Variants in ADGRE3 observed in about 807,000 individuals in gnomAD.
The protein encoded by ADGRE3 is adhesion G protein-coupled receptor E3, also known as EGF-like module receptor 3.
ADGRE3 carries 88 observed loss-of-function variants against 80.1 expected under a neutral mutation model. That is an observed-to-expected ratio of 1.10 (90% confidence interval 0.93 to 1.31). The LOEUF (loss-of-function observed/expected upper bound fraction) is 1.31. ADGRE3 is among the 40% of genes most tolerant of loss of function. The pLI is 0.00. For missense variants in ADGRE3, 715 were observed against 776.5 expected, an observed-to-expected ratio of 0.92 and a Z score of 0.94; for synonymous variants, 281 against 294.8, an observed-to-expected ratio of 0.95 and a Z score of 0.48.
downstream of ADGRE3, among the ~76,000 whole-genome samples, chr19:14,617,366 CT>C (rs1240426476): frequency 2.2e-5 from 2 of 89,458 alleles, no homozygotes; most frequent in African/African-American, 4.5e-5. Context: ...TTCTTTCTTT[CT>C]TTCTTTCTTC....
At chr19:14,601,983 G>A in the ADGRE3 span, among the ~76,000 whole-genome samples, 5 of 148,240 alleles carry the variant, frequency 3.4e-5, no homozygotes, top group African/African-American at 1.3e-4. Context: ...TAGTAGAGAC[G>A]GGGTTTCACT....
chr19:14,616,726 G>A (rs1328760730), downstream of ADGRE3, among the ~76,000 whole-genome samples: 1 of 151,744 alleles, frequency 6.6e-6, no homozygotes, highest in African/African-American at 2.4e-5. Flanking sequence ...TTAGATTGCA[G>A]TGGTTGAACA....
At chr19:14,615,202 CTTTTTTTTTT>C (rs34167082), downstream of ADGRE3, among the ~76,000 whole-genome samples, 3 of 65,634 alleles carry the variant, frequency 4.6e-5, no homozygotes, top group South Asian at 5.8e-4. Context: ...CAGCTGCCTT[CTTTTTTTTTT>C]TTTTTTTTTT....
chr19:14,607,160 G>A, the ADGRE3 span: 10 of 766,454 alleles, frequency 1.3e-5, no homozygotes, highest in Non-Finnish European at 1.4e-5. Context: ...TGACCATGGG[G>A]AGGGGAGAAG....
chr19:14,654,144 A>C (rs543719285), intron 6 of ADGRE3, among the ~76,000 whole-genome samples: 1 of 151,780 alleles, frequency 6.6e-6, no homozygotes, highest in Admixed American at 6.6e-5. Context: ...GTAAAGATTA[A>C]GTTTCACCAT....
At chr19:14,625,439 G>A (rs1228916123) in intron 15 of ADGRE3, 53 bp downstream of exon 15, 1 of 1,147,850 alleles carries the variant, frequency 8.7e-7, no homozygotes, top group East Asian at 2.4e-5. Flanking sequence ...GAAGTTTGCA[G>A]TGTCAAGAGA....
intron 14 of ADGRE3, among the ~76,000 whole-genome samples, chr19:14,625,802 G>A (rs1366143499): frequency 6.6e-6 from 1 of 152,114 alleles, no homozygotes; most frequent in Non-Finnish European, 1.5e-5. Flanking sequence ...TGAACCTTGA[G>A]GACATCAGGC....
intron 11 of ADGRE3, among the ~76,000 whole-genome samples, chr19:14,637,359 A>G (rs1459058219): frequency 6.7e-6 from 1 of 149,458 alleles, no homozygotes; most frequent in Admixed American, 6.7e-5. Flanking sequence ...GTCTTCTCTC[A>G]TCTTCTCGCT....
chr19:14,615,183 C>G (rs530075290), downstream of ADGRE3, among the ~76,000 whole-genome samples: 4 of 143,804 alleles, frequency 2.8e-5, no homozygotes, highest in Non-Finnish European at 6.1e-5. Context: ...GTTTGTTGAT[C>G]TCTTTCTACA....
At chr19:14,649,596 C>T (rs1446375789) in intron 7 of ADGRE3, among the ~76,000 whole-genome samples, 5 of 147,628 alleles carry the variant, frequency 3.4e-5, no homozygotes, top group Non-Finnish European at 7.5e-5. Context: ...TCATCTCTCT[C>T]TTTCGATCTC....
intron 6 of ADGRE3, 93 bp downstream of exon 6, chr19:14,654,889 G>T: frequency 1.1e-6 from 1 of 915,594 alleles, no homozygotes; most frequent in Non-Finnish European, 1.7e-6. Context: ...AGGGACTCAT[G>T]TGGTGTATTC....
At chr19:14,626,342 T>C (rs10413054) in intron 14 of ADGRE3, among the ~76,000 whole-genome samples, 75,559 of 151,654 alleles carry the variant, frequency 0.5, 19,161 homozygotes, top group Non-Finnish European at 0.53. Flanking sequence ...GAGGCTGAGG[T>C]AGGAGAATTG....
Position 14,659,889 on chromosome 19 carries a change from T to C in ADGRE3, c.356-1339A>G, listed in dbSNP as rs139459761. 8.5e-3 allele frequency among the ~76,000 whole-genome samples: 1,251 copies of C among 146,640 alleles called. 12 individuals carry two copies. Among genetic ancestry groups the C allele is most frequent in the Middle Eastern group, 0.021 (6 of 290 alleles). ...GCAAATGTTTACATATCTTTTATCA[T>C]CATGCTGAGGTTAAATCTGTACTTA... On this transcript the variant is annotated intron_variant, in intron 4 of 15. Transcript: ENST00000253673.
chr19:14,666,979 G>A lies in ADGRE3; in HGVS notation c.76+1823C>T, dbSNP rs1972122738. On this transcript the variant is annotated intron_variant, in intron 2 of 15. Transcript: ENST00000253673. Reference sequence around the variant, plus strand: ...GGATATGACTTCATTTGGAAACAGGGTCTGTACAGATGTAATCAAGTTAAG... The same window carrying A: ...GGATATGACTTCATTTGGAAACAGGATCTGTACAGATGTAATCAAGTTAAG... Among the ~76,000 whole-genome samples the A allele has an allele frequency of 2.0e-5, 3 of 152,282 alleles. No individual in the cohort carries two copies. In the South Asian group the frequency reaches 6.2e-4, roughly 32 times the overall value.
At chr19:14,669,545 G>A (rs1026882860) in intron 1 of ADGRE3, among the ~76,000 whole-genome samples, 1 of 152,060 alleles carries the variant, frequency 6.6e-6, no homozygotes, top group Non-Finnish European at 1.5e-5. Flanking sequence ...CGGGAGTGCA[G>A]TGGCGCGATC....
chr19:14,643,144 G>GTTTTTTTTTTTTTT lies in ADGRE3; in HGVS notation c.1050+950_1050+963dup, dbSNP rs373306807. On this transcript the variant is annotated intron_variant, in intron 9 of 15. Coordinates refer to ENST00000253673, the MANE Select transcript of ADGRE3 (RefSeq NM_032571.5). ...CATGATGTGGTTTATAGTAATCATG[G>GTTTTTTTTTTTTTT]TTTTTTTTTTTTTTTTTTTTTAGAC... is the stretch of plus-strand genomic sequence containing the variant. Among the ~76,000 whole-genome samples the GTTTTTTTTTTTTTT allele has an allele frequency of 3.1e-4, 39 of 124,074 alleles. 2 individuals are homozygous for GTTTTTTTTTTTTTT. The highest frequency in any genetic ancestry group is 1.1e-3 in the African/African-American group (37 of 33,346). 81.4% of individuals were successfully genotyped at this position (124,074 alleles called of 152,430 possible). A position where few individuals can be genotyped will look rare whatever the true frequency, so the allele number is the denominator to read the frequency against.
At chr19:14,668,605 A>G (rs945406117) in intron 2 of ADGRE3, 197 bp downstream of exon 2, 5 of 547,382 alleles carry the variant, frequency 9.1e-6, no homozygotes, top group Non-Finnish European at 1.6e-5. Flanking sequence ...ATTAAAAATC[A>G]AACAAAACGA....
chr19:14,641,662 G>C (rs1412109142), intron 9 of ADGRE3, 46 bp from the exon 10 acceptor site: 1 of 1,597,806 alleles, frequency 6.3e-7, no homozygotes, highest in African/African-American at 1.3e-5. Flanking sequence ...CCTGCACTGG[G>C]ATTATGGCTC....
chr19:14,620,548 T>TAATATATATATATAA, intron 15 of ADGRE3, among the ~76,000 whole-genome samples: 1 of 24,982 alleles, frequency 4.0e-5, no homozygotes. Context: ...TATATATATA[T>TAATATATATATATAA]TATATATATA....
Sources: allele counts gnomAD v4.1 joint callset (sites outside exome capture counted in the v4.1 genomes callset), GRCh38; gene constraint gnomAD v4.1.1; transcripts MANE v1.5; gene names NCBI Gene and HGNC (gene_info 2026-07-23, HGNC 2026-07-21).